The following TET2 variants were observed in gnomAD, a reference collection of about 807,000 sequenced individuals.
TET2 encodes the protein methylcytosine dioxygenase TET2.
TET2 carries 299 observed loss-of-function variants against 142.9 expected under a neutral mutation model. The ratio of observed to expected loss-of-function variants is 2.09; its 90% CI spans 1.90 to 2.30. The LOEUF is 2.30. TET2 is among the 30% of genes most tolerant of loss of function. The pLI is 0.00. For synonymous variants in TET2, 819 were observed against 849.0 expected (o/e 0.96, Z 0.61); for missense variants, 2,418 against 2,378.0 (o/e 1.02, Z -0.35).
At chr4:105,153,669 T>A (rs6533181) in intron 1 of TET2, among the ~76,000 whole-genome samples, 43 of 152,196 alleles carry the variant, frequency 2.8e-4, no homozygotes, top group Admixed American at 8.5e-4. Context: ...TCATACAGCC[T>A]ATACATGGCT....
intron 1 of TET2, among the ~76,000 whole-genome samples, chr4:105,150,392 A>G (rs547314070): frequency 6.6e-6 from 1 of 152,342 alleles, no homozygotes; most frequent in African/African-American, 2.4e-5. Flanking sequence ...AAATCGCTGG[A>G]AAGAGTCATC....
rs1296331938 is a variant in TET2 at position 105,261,995 on chromosome 4, G to A, written c.4044+147G>A. On this transcript the variant is annotated intron_variant, in intron 8 of 10. Transcript: ENST00000380013. ...TGAAACCACTGCAGTGTTCAGTTTC[G>A]AGTATATAAAAATTATACCATACAA... is the stretch of plus-strand genomic sequence containing the variant. 4.6e-5 allele frequency: 27 copies of A among 581,800 alleles called. No individual in the cohort carries two copies. In the South Asian group the frequency reaches 5.1e-4, roughly 11 times the overall value. 36.0% of individuals were successfully genotyped at this position (581,800 alleles called of 1,614,324 possible). A position where few individuals can be genotyped will look rare whatever the true frequency, so the allele number is the denominator to read the frequency against.
rs548498723 is a variant in TET2 at position 105,250,509 on chromosome 4, G to A, written c.3803+6731G>A. On this transcript the variant is annotated intron_variant, in intron 6 of 10. Transcript: ENST00000380013. ...GCTTCCCAGAGAGCTGGGGTTACAG[G>A]CATGAGCCACCACATCCAACCCCCT... is the stretch of plus-strand genomic sequence containing the variant. 6.6e-4 allele frequency among the ~76,000 whole-genome samples: 99 copies of A among 149,868 alleles called. 2 individuals carry two copies. The South Asian group carries it at 9.8e-3, about 15-fold the overall frequency.
At position 105,272,625 on chromosome 4, in the gene TET2, TTC is replaced by T; in HGVS notation, c.4245_4246del (p.His1416ArgfsTer9). ...GGAGGAAAACCTGAGGATGAGCAGC[TTC>T]ACGTTCTGCCTTTATACAAAGTCTC... On this transcript the variant is annotated frameshift_variant, in exon 10 of 11. Coordinates refer to ENST00000380013, the MANE Select transcript of TET2 (RefSeq NM_001127208.3). LOFTEE classifies it high-confidence loss of function. 1 of 1,551,128 alleles carries T rather than the reference TTC, an allele frequency of 6.4e-7. No homozygotes were observed. Among genetic ancestry groups the T allele is most frequent in the Non-Finnish European group, 8.7e-7 (1 of 1,146,816 alleles).
intron 2 of TET2, among the ~76,000 whole-genome samples, chr4:105,196,302 C>T (rs2110497365): frequency 6.6e-6 from 1 of 152,128 alleles, no homozygotes. Flanking sequence ...GGAGTGGAAG[C>T]TTCCCCCTCC....
chr4:105,173,176 G>T (rs898486405), intron 1 of TET2, among the ~76,000 whole-genome samples: 1 of 152,062 alleles, frequency 6.6e-6, no homozygotes, highest in African/African-American at 2.4e-5. Context: ...AGAGGAAAAT[G>T]TGCATAAAAT....
chr4:105,259,626 T>G lies in TET2; in HGVS notation c.3811T>G (p.Cys1271Gly). 1 of 1,550,776 alleles carries G rather than the reference T, an allele frequency of 6.4e-7. No individual in the cohort carries two copies. The highest frequency in any genetic ancestry group is 8.7e-7 in the Non-Finnish European group (1 of 1,146,352). The change falls in exon 7 of 11, where the codon TGC (cysteine) becomes GGC (glycine). Residue 1271 changes from cysteine (C) to glycine (G), a missense_variant. By Grantham distance (159) the Cys-to-Gly change is radical (BLOSUM62 -3). Transcript: ENST00000380013. Reference sequence around the variant, plus strand: ...GGTCTTTTGATTTTTCAGGAGAACTTGCGCCTGTCAGGGGCTGGATCCAGA... The same window carrying G: ...GGTCTTTTGATTTTTCAGGAGAACTGGCGCCTGTCAGGGGCTGGATCCAGA... ...RRCALNEERT[C>G]ACQGLDPETC...
chr4:105,265,580 T>A (rs1000726428), intron 8 of TET2, among the ~76,000 whole-genome samples: 12 of 152,180 alleles, frequency 7.9e-5, no homozygotes, highest in African/African-American at 2.4e-4. Flanking sequence ...AGTTGGTACC[T>A]TCATTTTCCT....
At chr4:105,183,029 C>G (rs1278576683) in intron 1 of TET2, among the ~76,000 whole-genome samples, 1 of 152,038 alleles carries the variant, frequency 6.6e-6, no homozygotes, top group Non-Finnish European at 1.5e-5. Flanking sequence ...CTTATCCCCC[C>G]AAAATACGAA....
rs145552141 is a variant in TET2 at position 105,274,434 on chromosome 4, G to C, written c.4538-614G>C. Among the ~76,000 whole-genome samples the C allele has an allele frequency of 2.2e-3, 338 of 152,204 alleles. 2 individuals carry two copies. Among genetic ancestry groups the C allele is most frequent in the African/African-American group, 7.7e-3 (319 of 41,532 alleles). ...TAAGATGCTTTTTGTGTTTAAATAC[G>C]TGTCATTCTTTTTTTTCACAACATT... is the stretch of plus-strand genomic sequence containing the variant. On this transcript the variant is annotated intron_variant, in intron 10 of 10. Transcript: ENST00000380013.
chr4:105,193,864 T>A (rs1252727828), intron 2 of TET2, among the ~76,000 whole-genome samples: 1 of 152,196 alleles, frequency 6.6e-6, no homozygotes, highest in Non-Finnish European at 1.5e-5. Context: ...GTTTTTACTA[T>A]GCATTAAATC....
In TET2 at chr4:105,268,672, C is replaced by G. The variant is rs866879992; in HGVS notation, c.4045-938C>G. On this transcript the variant is annotated intron_variant, in intron 8 of 10. Transcript: ENST00000380013. ...GAAATCTATAATTGCTACTGTCTGT[C>G]AAGACAGTTTGATATTGCCCAGGCG... 7.2e-5 allele frequency among the ~76,000 whole-genome samples: 11 copies of G among 152,262 alleles called. 1 individual carries two copies. The highest frequency in any genetic ancestry group is 2.6e-4 in the African/African-American group (11 of 41,566).
intron 2 of TET2, among the ~76,000 whole-genome samples, chr4:105,216,872 C>T (rs1471319199): frequency 2.0e-5 from 3 of 151,916 alleles, no homozygotes; most frequent in Admixed American, 6.6e-5. Flanking sequence ...CATCATACAG[C>T]GTGATGTGAA....
At chr4:105,243,468 G>C in intron 5 of TET2, 102 bp from the exon 6 acceptor site, 1 of 1,042,706 alleles carries the variant, frequency 9.6e-7, no homozygotes, top group African/African-American at 1.6e-5. Context: ...ATCTAAACAT[G>C]ATAAAATATA....
At chr4:105,167,449 ATGTG>A (rs538518214) in intron 1 of TET2, among the ~76,000 whole-genome samples, 82 of 152,138 alleles carry the variant, frequency 5.4e-4, no homozygotes, top group Admixed American at 4.3e-3. Context: ...CATGTAGTAT[ATGTG>A]TGTATGTATG....
rs79114064 is a variant in TET2 at position 105,215,959 on chromosome 4, A to G, written c.-46-17938A>G. Among the ~76,000 whole-genome samples, 1,085 of 152,220 alleles carry G rather than the reference A, an allele frequency of 7.1e-3. 29 individuals carry two copies. The highest frequency in any genetic ancestry group is 0.055 in the East Asian group (287 of 5,184). ...GACATGTCTGACAACTCAGAGTTCTATTTTCTCCATGTGTGACTAAAGTAC... is the reference window on the plus strand; with the variant it reads ...GACATGTCTGACAACTCAGAGTTCTGTTTTCTCCATGTGTGACTAAAGTAC... On this transcript the variant is annotated intron_variant, in intron 2 of 10. Coordinates refer to ENST00000380013, the MANE Select transcript of TET2 (RefSeq NM_001127208.3).
rs964397057 is a variant in TET2 at position 105,276,688 on chromosome 4, T to A, written c.*169T>A. The A allele has an allele frequency of 7.1e-6, 5 of 704,990 alleles. No individual in the cohort carries two copies. Among genetic ancestry groups the A allele is most frequent in the Non-Finnish European group, 1.1e-5 (5 of 450,658 alleles). The allele number at this position is 704,990 out of a possible 1,614,324, so 43.7% of individuals were successfully genotyped here. A position where few individuals can be genotyped will look rare whatever the true frequency, so the allele number is the denominator to read the frequency against. ...AAAGAGGTTATCTTACCATAGCACTTAATTTTCACTGGCTCCCAAGTGGTC... is the reference window on the plus strand; with the variant it reads ...AAAGAGGTTATCTTACCATAGCACTAAATTTTCACTGGCTCCCAAGTGGTC... On this transcript the variant is annotated 3_prime_UTR_variant, in exon 11 of 11. Coordinates refer to ENST00000380013, the MANE Select transcript of TET2 (RefSeq NM_001127208.3).
At chr4:105,263,340 T>C (rs1730536088) in intron 8 of TET2, among the ~76,000 whole-genome samples, 1 of 152,168 alleles carries the variant, frequency 6.6e-6, no homozygotes. Context: ...GAAATATAAC[T>C]TAAATCTATG....
At position 105,261,793 on chromosome 4, in the gene TET2, C is replaced by T; in HGVS notation, c.3989C>T (p.Ser1330Phe). 1 of 1,549,382 alleles carries T rather than the reference C, an allele frequency of 6.5e-7. No homozygotes were observed. ...EKLESHLQNL[S>F]TLMAPTYKKL... The stretch of plus-strand genomic sequence containing the variant: ...CTGGAGTCTCATTTGCAAAACCTGT[C>T]CACTCTTATGGCACCAACATATAAG... Residue 1330 changes from serine (S) to phenylalanine (F), a missense_variant, in exon 8 of 11, where the codon TCC (serine) becomes TTC (phenylalanine). By Grantham distance (155) the Ser-to-Phe change is radical (BLOSUM62 -2). Coordinates refer to ENST00000380013, the MANE Select transcript of TET2 (RefSeq NM_001127208.3).
Sources: allele counts gnomAD v4.1 joint callset (sites outside exome capture counted in the v4.1 genomes callset), GRCh38; gene constraint gnomAD v4.1.1; transcripts MANE v1.5; gene names NCBI Gene and HGNC (gene_info 2026-07-23, HGNC 2026-07-21).